ST8SIA6: variants seen among roughly 807,000 people sequenced by gnomAD.
ST8SIA6 encodes ST8 alpha-N-acetyl-neuraminide alpha-2,8-sialyltransferase 6.
A neutral mutation model predicts 33.6 loss-of-function variants in ST8SIA6; 39 were observed. The observed-to-expected ratio is 1.16, with a 90% CI of 0.90 to 1.52. The LOEUF (loss-of-function observed/expected upper bound fraction) is 1.52. Among genes scored for constraint, ST8SIA6 ranks in the 40% most tolerant of loss-of-function variants. ST8SIA6 has a pLI of 0.00. For missense variants in ST8SIA6, 441 were observed against 443.8 expected (o/e 0.99, Z 0.06); for synonymous variants, 172 against 167.2 (o/e 1.03, Z -0.22).
At chr10:17,353,031 C>A (rs982142051) in intron 4 of ST8SIA6, among the ~76,000 whole-genome samples, 18 of 152,086 alleles carry the variant, frequency 1.2e-4, no homozygotes, top group African/African-American at 4.1e-4. Context: ...TTGTAAACAG[C>A]AAACATTTAG....
At chr10:17,359,688 G>A in intron 3 of ST8SIA6, 88 bp from the exon 4 acceptor site, 1 of 695,856 alleles carries the variant, frequency 1.4e-6, no homozygotes. Flanking sequence ...ACTCCCTTTA[G>A]TCTATAAATA....
At chr10:17,357,486 A>C (rs572182154) in intron 4 of ST8SIA6, among the ~76,000 whole-genome samples, 1 of 152,032 alleles carries the variant, frequency 6.6e-6, no homozygotes, top group Non-Finnish European at 1.5e-5. Context: ...GTTGGCCTTC[A>C]GTTCTTTTGA....
intron 2 of ST8SIA6, among the ~76,000 whole-genome samples, chr10:17,406,565 C>G (rs1851267517): frequency 6.6e-6 from 1 of 152,158 alleles, no homozygotes; most frequent in Non-Finnish European, 1.5e-5. Context: ...TCTTGTGAGT[C>G]TGTCCCAACT....
At chr10:17,420,598 C>T (rs1448064469) in intron 2 of ST8SIA6, among the ~76,000 whole-genome samples, 3 of 152,096 alleles carry the variant, frequency 2.0e-5, no homozygotes, top group Non-Finnish European at 2.9e-5. Flanking sequence ...TAGTTGATAA[C>T]ACCTGTACAG....
chr10:17,430,762 TC>T (rs1852078918), intron 2 of ST8SIA6, among the ~76,000 whole-genome samples: 1 of 152,230 alleles, frequency 6.6e-6, no homozygotes, highest in Non-Finnish European at 1.5e-5. Context: ...TTGTTTGAGT[TC>T]CTCGTAGATT....
At chr10:17,427,413 G>T (rs920550164) in intron 2 of ST8SIA6, among the ~76,000 whole-genome samples, 1 of 152,172 alleles carries the variant, frequency 6.6e-6, no homozygotes, top group African/African-American at 2.4e-5. Context: ...TACAACCAAA[G>T]GTTTTCAGAT....
At chr10:17,393,264 G>A (rs1003891542) in intron 2 of ST8SIA6, among the ~76,000 whole-genome samples, 6 of 152,192 alleles carry the variant, frequency 3.9e-5, no homozygotes, top group African/African-American at 1.4e-4. Context: ...TGGGGCTCCA[G>A]CTTGGAGAAG....
At chr10:17,344,674 T>C (rs1848775785) in intron 4 of ST8SIA6, among the ~76,000 whole-genome samples, 1 of 152,136 alleles carries the variant, frequency 6.6e-6, no homozygotes, top group African/African-American at 2.4e-5. Flanking sequence ...ATTTTGGAAA[T>C]TGTGATTAAA....
At chr10:17,362,818 TCTC>T (rs1473868914) in intron 3 of ST8SIA6, among the ~76,000 whole-genome samples, 2 of 152,110 alleles carry the variant, frequency 1.3e-5, no homozygotes, top group Admixed American at 6.5e-5. Context: ...TTCAAGCTAT[TCTC>T]CTGCCTCAGC....
At chr10:17,380,831 TTGTA>T (rs1018415570) in intron 3 of ST8SIA6, among the ~76,000 whole-genome samples, 9 of 132,604 alleles carry the variant, frequency 6.8e-5, no homozygotes, top group South Asian at 2.4e-4. Flanking sequence ...GTTTGTGTGT[TTGTA>T]TGTGTACGTT....
intron 2 of ST8SIA6, among the ~76,000 whole-genome samples, chr10:17,399,633 T>G (rs1035775511): frequency 5.3e-5 from 8 of 152,096 alleles, no homozygotes; most frequent in African/African-American, 1.9e-4. Flanking sequence ...CAATGTAAAA[T>G]CAGCCAGGTG....
chr10:17,331,975 T>C (rs1212179143), intron 4 of ST8SIA6, among the ~76,000 whole-genome samples: 3 of 152,284 alleles, frequency 2.0e-5, no homozygotes, highest in East Asian at 1.9e-4. Context: ...CAGTGTGAGA[T>C]GTTCCCCTCT....
At chr10:17,360,144 C>T (rs1399563543) in intron 3 of ST8SIA6, among the ~76,000 whole-genome samples, 2 of 152,120 alleles carry the variant, frequency 1.3e-5, no homozygotes, top group Non-Finnish European at 2.9e-5. Context: ...AAGCACTGAG[C>T]AGGATCCCAG....
At chr10:17,331,323 A>G in intron 5 of ST8SIA6, 85 bp downstream of exon 5, 1 of 1,461,428 alleles carries the variant, frequency 6.8e-7, no homozygotes, top group East Asian at 2.3e-5. Context: ...AATTGAGTCC[A>G]TCATAATTGT....
In ST8SIA6 at chr10:17,351,214, A is replaced by C. The variant is rs1000736928; in HGVS notation, c.377+8300T>G. On this transcript the variant is annotated intron_variant, in intron 4 of 7. Coordinates refer to ENST00000377602, the MANE Select transcript of ST8SIA6 (RefSeq NM_001004470.3). ...CCACCTGTCCTATCTATCCTGCACA[A>C]GTCTACTGCACTAATCATTTTGACA... 2.0e-5 allele frequency among the ~76,000 whole-genome samples: 3 copies of C among 151,922 alleles called. No individual in the cohort carries two copies. In the East Asian group the frequency reaches 5.8e-4, roughly 29 times the overall value.
chr10:17,329,709 G>C (rs983667974), intron 5 of ST8SIA6, among the ~76,000 whole-genome samples: 4 of 152,066 alleles, frequency 2.6e-5, no homozygotes, highest in Non-Finnish European at 5.9e-5. Context: ...CTGGTTTCTT[G>C]GTCAACTGGG....
intron 4 of ST8SIA6, among the ~76,000 whole-genome samples, chr10:17,352,568 C>G (rs188345368): frequency 6.6e-6 from 1 of 151,988 alleles, no homozygotes; most frequent in Non-Finnish European, 1.5e-5. Context: ...TGAAAGGGAG[C>G]GTATTTGACA....
chr10:17,404,870 C>T (rs543064517), intron 2 of ST8SIA6, among the ~76,000 whole-genome samples: 5 of 152,286 alleles, frequency 3.3e-5, no homozygotes, highest in African/African-American at 1.2e-4. Context: ...TGAATACTTT[C>T]TTCTTTAACT....
chr10:17,359,540 C>T lies in ST8SIA6; in HGVS notation c.351G>A (p.Arg117=), dbSNP rs556629312. 4 of 1,606,616 alleles carry T rather than the reference C, an allele frequency of 2.5e-6. No homozygotes were observed. The highest frequency in any genetic ancestry group is 4.5e-5 in the East Asian group (2 of 44,536). ...TAAAATTTGCATATTCTTCTGCTTG[C>T]CGTTTCCATGGACAACTCTGTATAT... The part of the protein sequence containing the change: ...ITDIQSCPWK[R]QAEEYANFRA... Residue 117 remains arginine (R), a synonymous_variant, in exon 4 of 8, where the codon CGG becomes CGA. Transcript: ENST00000377602.
Sources: allele counts gnomAD v4.1 joint callset (sites outside exome capture counted in the v4.1 genomes callset), GRCh38; gene constraint gnomAD v4.1.1; transcripts MANE v1.5; gene names NCBI Gene and HGNC (gene_info 2026-07-23, HGNC 2026-07-21).